The following LRP5 variants were observed in gnomAD, a reference collection of about 807,000 sequenced individuals.
The protein encoded by LRP5 is LDL receptor related protein 5, also known as low-density lipoprotein receptor-related protein 5.
Under a neutral mutation model 154.1 loss-of-function variants are expected in LRP5, and 62 were observed. That is an observed-to-expected ratio of 0.40 (90% CI 0.33 to 0.50). The LOEUF (loss-of-function observed/expected upper bound fraction) is 0.50, where lower values mean the gene tolerates loss of function less well. Among genes scored for constraint, LRP5 ranks in the 20% least tolerant of loss-of-function variants. The pLI, the probability that LRP5 is intolerant of heterozygous loss-of-function variation, is 0.55. For synonymous variants in LRP5, 966 were observed against 1,011.5 expected (o/e 0.96, Z 0.85); for missense variants, 1,915 against 2,336.7 (o/e 0.82, Z 3.72).
chr11:68,339,763 T>G (rs949867457), intron 1 of LRP5, among the ~76,000 whole-genome samples: 1 of 152,324 alleles, frequency 6.6e-6, no homozygotes, highest in South Asian at 2.1e-4. Context: ...GCTGTTTCCA[T>G]GTTTTGGCTT....
In LRP5 at chr11:68,404,177, C is replaced by T. The variant is rs558187398; in HGVS notation, c.1801+478C>T. ...AAGCCAGGATCTTCAGGACGCTCCC[C>T]GAGGAGGTCGTTGTCTGGCACAATG... is the stretch of plus-strand genomic sequence containing the variant. On this transcript the variant is annotated intron_variant, in intron 8 of 22. Transcript: ENST00000294304. 7.1e-5 allele frequency: 32 copies of T among 448,144 alleles called. No homozygotes were observed. In the East Asian group the frequency reaches 7.7e-4, roughly 11 times the overall value. The allele number at this position is 448,144 out of a possible 1,614,324, so 27.8% of individuals were successfully genotyped here.
At chr11:68,354,478 G>T (rs2098621441) in intron 2 of LRP5, among the ~76,000 whole-genome samples, 1 of 152,218 alleles carries the variant, frequency 6.6e-6, no homozygotes, top group Non-Finnish European at 1.5e-5. Flanking sequence ...CCCAAGTCCA[G>T]ACTGATGCCC....
chr11:68,335,847 G>T (rs1487475716), intron 1 of LRP5, among the ~76,000 whole-genome samples: 2 of 152,202 alleles, frequency 1.3e-5, no homozygotes. Flanking sequence ...AGAAGATGGG[G>T]CGTTGTGGCC....
intron 5 of LRP5, among the ~76,000 whole-genome samples, chr11:68,379,827 C>G (rs769831189): frequency 1.3e-5 from 2 of 152,134 alleles, no homozygotes; most frequent in Non-Finnish European, 2.9e-5. Context: ...AACTTTCTTT[C>G]TGATATTATA....
chr11:68,329,338 G>T (rs1470361543), intron 1 of LRP5, among the ~76,000 whole-genome samples: 1 of 152,184 alleles, frequency 6.6e-6, no homozygotes, highest in Admixed American at 6.5e-5. Context: ...TGCCCTGTGG[G>T]CTGGGGGCCA....
At position 68,406,732 on chromosome 11, in the gene LRP5, G is replaced by A. The variant is rs143304197; in HGVS notation, c.2010G>A (p.Pro670=). The A allele has an allele frequency of 2.5e-5, 40 of 1,613,960 alleles. No individual in the cohort carries two copies. Among genetic ancestry groups the A allele is most frequent in the Non-Finnish European group, 3.1e-5 (37 of 1,180,018 alleles). ...LETNNNDVAI[P]LTGVKEASAL... ...CCAATAACAACGACGTGGCCATCCCGCTCACGGGCGTCAAGGAGGCCTCAG... is the reference window on the plus strand; with the variant it reads ...CCAATAACAACGACGTGGCCATCCCACTCACGGGCGTCAAGGAGGCCTCAG... Residue 670 remains proline, a synonymous_variant, in exon 9 of 23, where the codon CCG becomes CCA. Transcript: ENST00000294304.
chr11:68,317,150 A>G (rs2098593898), intron 1 of LRP5, among the ~76,000 whole-genome samples: 1 of 152,216 alleles, frequency 6.6e-6, no homozygotes, highest in South Asian at 2.1e-4. Flanking sequence ...AGCCGGCCTC[A>G]GGGACCCACC....
rs534015557 is a variant in LRP5, at chr11:68,449,131, G to GA, written c.*68dup. The stretch of plus-strand genomic sequence containing the variant: ...GTAAATAGTTTTAAATATGAACAAA[G>GA]AAAAAAATATATTTTATGATTTAAA... On this transcript the variant is annotated 3_prime_UTR_variant, in exon 23 of 23. Coordinates refer to ENST00000294304, the MANE Select transcript of LRP5 (RefSeq NM_002335.4). 3 of 1,183,332 alleles carry GA rather than the reference G, an allele frequency of 2.5e-6. No homozygotes were observed. The highest frequency in any genetic ancestry group is 2.8e-5 in the Admixed American group (1 of 36,120). 73.3% of individuals were successfully genotyped at this position (1,183,332 alleles called of 1,614,324 possible).
At chr11:68,316,258 G>C (rs760456093) in intron 1 of LRP5, among the ~76,000 whole-genome samples, 3 of 152,082 alleles carry the variant, frequency 2.0e-5, no homozygotes, top group African/African-American at 7.2e-5. Flanking sequence ...GTAGTACCAC[G>C]TATGGGTGTT....
At chr11:68,343,720 C>T (rs1464581106) in intron 1 of LRP5, among the ~76,000 whole-genome samples, 2 of 152,114 alleles carry the variant, frequency 1.3e-5, no homozygotes, top group African/African-American at 2.4e-5. Context: ...CTCTTCCCAG[C>T]GAAGGCCCCT....
chr11:68,320,917 A>C (rs1283645644), intron 1 of LRP5, among the ~76,000 whole-genome samples: 1 of 152,176 alleles, frequency 6.6e-6, no homozygotes, highest in Admixed American at 6.5e-5. Flanking sequence ...GAAGCTTCAT[A>C]TAATCATAAC....
In LRP5 at chr11:68,435,482, C is replaced by CA. The variant is rs1565113556; in HGVS notation, c.4001-1407_4001-1406insA. On this transcript the variant is annotated intron_variant, in intron 18 of 22. Transcript: ENST00000294304. ...CATCACATGGTGAGAGAGGGAGCAA[C>CA]GGAGAGAGAGAGAGAGCGCCTCTCC... Among the ~76,000 whole-genome samples, 8 of 102,098 alleles carry CA rather than the reference C, an allele frequency of 7.8e-5. No homozygotes were observed. The East Asian group carries it at 2.1e-3, about 26-fold the overall frequency. The allele number at this position is 102,098 out of a possible 152,430, so 67.0% of individuals were successfully genotyped here.
Position 68,439,851 on chromosome 11 carries a change from C to T in LRP5, c.4423C>T (p.Arg1475Trp), listed in dbSNP as rs767384132. 61 of 1,608,272 alleles carry T rather than the reference C, an allele frequency of 3.8e-5. No homozygotes were observed. The highest frequency in any genetic ancestry group is 5.0e-5 in the Admixed American group (3 of 59,582). ...GGRGGVPLYD[R>W]NHVTGASSSS... Reference sequence around the variant, plus strand: ...CCGGGGCGGGGTGCCCCTCTACGACCGGAACCACGTCACAGGGGCCTCGTC... The same window carrying T: ...CCGGGGCGGGGTGCCCCTCTACGACTGGAACCACGTCACAGGGGCCTCGTC... The change falls in exon 21 of 23, where the codon CGG becomes TGG. Residue 1475 changes from arginine (R) to tryptophan (W), a missense_variant. Arg to Trp is a moderately radical substitution (Grantham distance 101). Around this residue, in one of 3 missense-constraint regions of LRP5, gnomAD observed 1,094 missense variants for 1,210.1 expected, o/e 0.90. Transcript: ENST00000294304.
chr11:68,312,843 T>C, intron 1 of LRP5, 38 bp downstream of exon 1: 1 of 993,286 alleles, frequency 1.0e-6, no homozygotes, highest in Non-Finnish European at 1.2e-6. Flanking sequence ...CGCGGGTTGC[T>C]CGGACAATGG....
At chr11:68,403,344 G>A (rs747097347) in intron 7 of LRP5, 139 bp from the exon 8 acceptor site, 22 of 709,906 alleles carry the variant, frequency 3.1e-5, no homozygotes, top group Non-Finnish European at 5.4e-5. Context: ...ATGGTACCTG[G>A]CAAGGTGCAG....
intron 7 of LRP5, among the ~76,000 whole-genome samples, chr11:68,397,417 G>A (rs1350752527): frequency 6.6e-6 from 1 of 152,148 alleles, no homozygotes; most frequent in Non-Finnish European, 1.5e-5. Context: ...GGACAGCCCA[G>A]CCCTCTCCCG....
At chr11:68,419,694 C>A (rs1436013247) in intron 13 of LRP5, among the ~76,000 whole-genome samples, 1 of 152,036 alleles carries the variant, frequency 6.6e-6, no homozygotes, top group Non-Finnish European at 1.5e-5. Context: ...AGGTGCCCAT[C>A]ACTATGCCTG....
At chr11:68,338,536 T>TTTCTC (rs2098606963) in intron 1 of LRP5, among the ~76,000 whole-genome samples, 1 of 152,192 alleles carries the variant, frequency 6.6e-6, no homozygotes, top group Non-Finnish European at 1.5e-5. Flanking sequence ...TGACACTGAC[T>TTTCTC]TGCCAGAAGT....
chr11:68,413,646 G>A lies in LRP5; in HGVS notation c.2504-43G>A. 6.3e-7 allele frequency: 1 copy of A among 1,581,214 alleles called. No individual in the cohort carries two copies. The highest frequency in any genetic ancestry group is 8.7e-7 in the Non-Finnish European group (1 of 1,151,252). On this transcript the variant is annotated intron_variant, in intron 11 of 22. Coordinates refer to ENST00000294304, the MANE Select transcript of LRP5 (RefSeq NM_002335.4). The surrounding 1 kb of genome is among the most constrained non-coding windows in gnomAD (Gnocchi z 5.1). ...CAGGGCGCCGTGTGCTCTGTGGCCT[G>A]GCTGTGCCTTTGCTGACACCGTGCC...
Sources: gnomAD v4.1 joint callset for allele counts (sites outside exome capture counted in the v4.1 genomes callset) on GRCh38, gnomAD v4.1.1 for gene constraint, gnomAD v4.1.1 regional missense constraint, Gnocchi (gnomAD v3.1) non-coding constraint, MANE v1.5 for transcripts, NCBI Gene and HGNC (gene_info 2026-07-23, HGNC 2026-07-21) for gene names.